USH2A: variants seen among roughly 807,000 people sequenced by gnomAD.
USH2A encodes the protein Usher syndrome 2A (autosomal recessive, mild).
USH2A carries 443 observed loss-of-function variants against 538.9 expected under a neutral mutation model. The observed-to-expected ratio is 0.82, with a 90% confidence interval of 0.76 to 0.89. USH2A has a LOEUF of 0.89. Among genes scored for constraint, USH2A ranks in the 40% least tolerant of loss-of-function variants. The pLI, the probability that USH2A is intolerant of heterozygous loss-of-function variation, is 0.00. For synonymous variants in USH2A, 2,413 were observed against 2,273.5 expected, an observed-to-expected ratio of 1.06 and a Z score of -1.75; for missense variants, 6,633 against 6,324.8, an observed-to-expected ratio of 1.05 and a Z score of -1.65.
At chr1:215,984,328 C>T (rs1037251995) in intron 35 of USH2A, among the ~76,000 whole-genome samples, 4 of 152,152 alleles carry the variant, frequency 2.6e-5, no homozygotes, top group Non-Finnish European at 4.4e-5. Flanking sequence ...TGCCATGTGG[C>T]AAAGGGGGTC....
At chr1:216,170,931 T>C (rs567467061) in intron 21 of USH2A, among the ~76,000 whole-genome samples, 5 of 152,118 alleles carry the variant, frequency 3.3e-5, no homozygotes, top group Admixed American at 6.6e-5. Context: ...AAAGTATTTT[T>C]AACCCCATGT....
At chr1:216,337,009 T>A (rs552093231) in intron 4 of USH2A, among the ~76,000 whole-genome samples, 3 of 151,608 alleles carry the variant, frequency 2.0e-5, no homozygotes, top group African/African-American at 7.2e-5. Flanking sequence ...AGCTGAATAG[T>A]CTGTGGGCAT....
chr1:216,106,339 G>A (rs2032732172), intron 21 of USH2A, among the ~76,000 whole-genome samples: 1 of 148,704 alleles, frequency 6.7e-6, no homozygotes, highest in Non-Finnish European at 1.5e-5. Flanking sequence ...ATATGTATAT[G>A]TATTCTGTAG....
chr1:216,102,358 T>A (rs184450390), intron 21 of USH2A, among the ~76,000 whole-genome samples: 1 of 149,678 alleles, frequency 6.7e-6, no homozygotes, highest in Non-Finnish European at 1.5e-5. Context: ...CACACGTATA[T>A]ATTACATATA....
At chr1:216,109,932 T>C (rs1413483614) in intron 21 of USH2A, among the ~76,000 whole-genome samples, 2 of 152,186 alleles carry the variant, frequency 1.3e-5, no homozygotes, top group Non-Finnish European at 2.9e-5. Context: ...CATCTTCATA[T>C]TCAATATTTT....
intron 32 of USH2A, among the ~76,000 whole-genome samples, chr1:216,034,719 A>G (rs1331412946): frequency 6.6e-6 from 1 of 152,092 alleles, no homozygotes; most frequent in Non-Finnish European, 1.5e-5. Context: ...TGACTGTCAG[A>G]ATACCACTGA....
chr1:215,687,031 T>A (rs1163443269), intron 61 of USH2A, among the ~76,000 whole-genome samples: 1 of 152,034 alleles, frequency 6.6e-6, no homozygotes, highest in Non-Finnish European at 1.5e-5. Context: ...ACTGGGGACA[T>A]GTTTGAGTGG....
At chr1:215,916,073 A>G (rs1439135494) in intron 38 of USH2A, among the ~76,000 whole-genome samples, 1 of 150,716 alleles carries the variant, frequency 6.6e-6, no homozygotes, top group African/African-American at 2.4e-5. Context: ...GCTTTAGGAG[A>G]TCTACCTAAT....
At chr1:216,237,934 A>G in intron 13 of USH2A, among the ~76,000 whole-genome samples, 1 of 152,174 alleles carries the variant, frequency 6.6e-6, no homozygotes, top group African/African-American at 2.4e-5. Context: ...TCTCTCTGTG[A>G]AAAACATGTT....
At chr1:215,946,236 G>T (rs181863303) in intron 37 of USH2A, among the ~76,000 whole-genome samples, 303 of 151,048 alleles carry the variant, frequency 2.0e-3, no homozygotes, top group Admixed American at 4.5e-3. Context: ...ACATGAGACA[G>T]TTGAGAAGCT....
chr1:215,982,879 G>A (rs2102468296), intron 35 of USH2A, among the ~76,000 whole-genome samples: 1 of 152,308 alleles, frequency 6.6e-6, no homozygotes, highest in African/African-American at 2.4e-5. Flanking sequence ...GGGAGAGGTG[G>A]ATGCTAACCT....
intron 61 of USH2A, among the ~76,000 whole-genome samples, chr1:215,717,842 C>T (rs1013292946): frequency 3.9e-5 from 6 of 152,026 alleles, no homozygotes; most frequent in East Asian, 1.9e-4. Context: ...TGTAGGTAAA[C>T]GGAAAATACC....
At chr1:215,726,858 T>C (rs1659833941) in intron 61 of USH2A, among the ~76,000 whole-genome samples, 1 of 152,192 alleles carries the variant, frequency 6.6e-6, no homozygotes, top group African/African-American at 2.4e-5. Context: ...TAGTAGATAG[T>C]GGAGTTCGGG....
chr1:215,834,620 C>A (rs1663423296), intron 47 of USH2A, among the ~76,000 whole-genome samples: 1 of 152,120 alleles, frequency 6.6e-6, no homozygotes, highest in Non-Finnish European at 1.5e-5. Flanking sequence ...TTCTTCCTGG[C>A]AGCTTTTTGG....
intron 9 of USH2A, among the ~76,000 whole-genome samples, chr1:216,308,947 T>C (rs868034457): frequency 2.0e-5 from 3 of 152,204 alleles, no homozygotes; most frequent in Non-Finnish European, 4.4e-5. Flanking sequence ...CATTGCAGCA[T>C]GAGGGCAAAG....
At chr1:215,745,639 A>C (rs1043928982) in intron 58 of USH2A, among the ~76,000 whole-genome samples, 3 of 152,206 alleles carry the variant, frequency 2.0e-5, no homozygotes, top group African/African-American at 7.2e-5. Flanking sequence ...ACTATTTTTT[A>C]AGATGAGAAA....
At chr1:216,087,155 T>A (rs1468715105) in intron 23 of USH2A, among the ~76,000 whole-genome samples, 1 of 152,180 alleles carries the variant, frequency 6.6e-6, no homozygotes, top group Non-Finnish European at 1.5e-5. Context: ...CTGTGTGGCA[T>A]AACAATGGAA....
At chr1:216,091,570 C>G (rs943667408) in intron 22 of USH2A, among the ~76,000 whole-genome samples, 10 of 152,134 alleles carry the variant, frequency 6.6e-5, no homozygotes, top group African/African-American at 2.4e-4. Flanking sequence ...TATGAAGAAT[C>G]TCCCTTTCCC....
At chr1:216,180,727 T>C (rs1435086334) in intron 20 of USH2A, among the ~76,000 whole-genome samples, 1 of 152,128 alleles carries the variant, frequency 6.6e-6, no homozygotes, top group African/African-American at 2.4e-5. Flanking sequence ...AAACAATTTT[T>C]CTATGTTTCA....
Sources: allele counts gnomAD v4.1 joint callset (sites outside exome capture counted in the v4.1 genomes callset), GRCh38; gene constraint gnomAD v4.1.1; transcripts MANE v1.5; gene names NCBI Gene and HGNC (gene_info 2026-07-23, HGNC 2026-07-21).